Variants in CHD8 observed in about 807,000 individuals in gnomAD.
The protein encoded by CHD8 is chromodomain helicase DNA binding protein 8.
A neutral mutation model predicts 279.2 loss-of-function variants in CHD8; 31 were observed. That is an observed-to-expected ratio of 0.11 (90% CI 0.08 to 0.15). CHD8 has a LOEUF of 0.15. Among genes scored for constraint, CHD8 ranks in the 10% least tolerant of loss-of-function variants. The pLI, the probability that CHD8 is intolerant of heterozygous loss-of-function variation, is 1.00. For synonymous variants in CHD8, 1,081 were observed against 1,139.6 expected, an observed-to-expected ratio of 0.95 and a Z score of 1.04; for missense variants, 2,146 against 3,230.5, an observed-to-expected ratio of 0.66 and a Z score of 8.14.
At chr14:21,424,494 GGA>G (rs771344078) in intron 5 of CHD8, among the ~76,000 whole-genome samples, 1 of 151,394 alleles carries the variant, frequency 6.6e-6, no homozygotes, top group East Asian at 1.9e-4. Context: ...TTTTTGAGGT[GGA>G]GTTTCACTCT....
chr14:21,455,399 A>G (rs1890362843), intron 1 of CHD8, among the ~76,000 whole-genome samples: 1 of 152,134 alleles, frequency 6.6e-6, no homozygotes, highest in Non-Finnish European at 1.5e-5. Flanking sequence ...GAGTTTACAT[A>G]ATGCAACGGA....
intron 5 of CHD8, among the ~76,000 whole-genome samples, chr14:21,420,786 G>C (rs916906348): frequency 6.6e-6 from 1 of 151,180 alleles, no homozygotes; most frequent in African/African-American, 2.4e-5. Context: ...TTTTGAAACG[G>C]AGTTTCGCTC....
Position 21,391,584 on chromosome 14 carries a change from A to G in CHD8, c.6944T>C (p.Ile2315Thr), listed in dbSNP as rs1475575054. ...ACCATCCACCTTATTGATGACAGGGATCCGGGTCTCCAGGTCCACATCAAG... is the reference window on the plus strand; with the variant it reads ...ACCATCCACCTTATTGATGACAGGGGTCCGGGTCTCCAGGTCCACATCAAG... ...NHLDVDLETR[I>T]PVINKVDGTL... is the part of the protein sequence containing the mutation. The change falls in exon 36 of 38, where the codon ATC becomes ACC. Residue 2315 changes from isoleucine (I) to threonine (T), a missense_variant. By Grantham distance (89) the Ile-to-Thr change is moderately conservative (BLOSUM62 -1). Coordinates refer to ENST00000646647, the MANE Select transcript of CHD8 (RefSeq NM_001170629.2). The G allele has an allele frequency of 6.2e-7, 1 of 1,612,746 alleles. No individual in the cohort carries two copies. The highest frequency in any genetic ancestry group is 8.5e-7 in the Non-Finnish European group (1 of 1,179,480).
Position 21,402,195 on chromosome 14 carries a change from A to G in CHD8, c.3883-59T>C, listed in dbSNP as rs746437587. ...CAAGAGAATAATATCTAACCATGCC[A>G]TAATATTTTAGCTATTATATTTTAA... On this transcript the variant is annotated intron_variant, in intron 19 of 37. Coordinates refer to ENST00000646647, the MANE Select transcript of CHD8 (RefSeq NM_001170629.2). The surrounding 1 kb of genome is among the most constrained non-coding windows in gnomAD (Gnocchi z 4.5). 3 of 1,462,516 alleles carry G rather than the reference A, an allele frequency of 2.1e-6. No individual in the cohort carries two copies. The highest frequency in any genetic ancestry group is 2.8e-6 in the Non-Finnish European group (3 of 1,073,506). The allele number at this position is 1,462,516 out of a possible 1,614,324, so 90.6% of individuals were successfully genotyped here.
At chr14:21,391,402 T>G in intron 36 of CHD8, 61 bp downstream of exon 36, 1 of 1,490,310 alleles carries the variant, frequency 6.7e-7, no homozygotes, top group Non-Finnish European at 9.2e-7. Flanking sequence ...TTTCTCTTTC[T>G]CATGCAGCTT....
At chr14:21,411,276 C>T (rs1167249142) in intron 10 of CHD8, among the ~76,000 whole-genome samples, 1 of 152,156 alleles carries the variant, frequency 6.6e-6, no homozygotes, top group Non-Finnish European at 1.5e-5. Context: ...CAAACAAACA[C>T]ACAATACTAC....
chr14:21,411,880 A>G (rs945831575), intron 10 of CHD8, among the ~76,000 whole-genome samples: 1 of 152,072 alleles, frequency 6.6e-6, no homozygotes, highest in African/African-American at 2.4e-5. Flanking sequence ...CCTGGCTAAC[A>G]TGGTGAAACC....
chr14:21,404,902 GC>G, intron 16 of CHD8: 1 of 319,666 alleles, frequency 3.1e-6, no homozygotes, highest in Non-Finnish European at 5.8e-6. Flanking sequence ...TGTGATCTCG[GC>G]TCACTGCAAC....
At chr14:21,429,628 CCCT>C in intron 2 of CHD8, 1 of 471,682 alleles carries the variant, frequency 2.1e-6, no homozygotes, top group Non-Finnish European at 4.1e-6. Context: ...GCCAATTCAT[CCCT>C]CCTTAGGCAA....
chr14:21,414,505 G>C (rs1167012616), intron 8 of CHD8, 87 bp from the exon 9 acceptor site: 4 of 708,550 alleles, frequency 5.6e-6, no homozygotes, highest in Non-Finnish European at 9.9e-6. Context: ...GTCAGAAGCA[G>C]ACATAACAAA....
intron 1 of CHD8, among the ~76,000 whole-genome samples, chr14:21,451,445 C>T (rs1442556222): frequency 6.6e-6 from 1 of 151,542 alleles, no homozygotes; most frequent in Non-Finnish European, 1.5e-5. Context: ...GTGGCACGCG[C>T]CTATAGTCCC....
chr14:21,433,614 T>C (rs1276154269), intron 1 of CHD8, among the ~76,000 whole-genome samples: 1 of 152,200 alleles, frequency 6.6e-6, no homozygotes, highest in Admixed American at 6.5e-5. Flanking sequence ...TGGGTTAATA[T>C]ATCAGATACT....
chr14:21,439,176 G>A (rs1889894608), intron 1 of CHD8, among the ~76,000 whole-genome samples: 1 of 152,114 alleles, frequency 6.6e-6, no homozygotes. Flanking sequence ...AGTTTCCTCT[G>A]AAAGTATCCT....
Position 21,427,851 on chromosome 14 carries a change from G to T in CHD8, c.1601+18C>A. The T allele has an allele frequency of 6.2e-7, 1 of 1,610,702 alleles. No homozygotes were observed. Among genetic ancestry groups the T allele is most frequent in the Non-Finnish European group, 8.5e-7 (1 of 1,178,294 alleles). On this transcript the variant is annotated intron_variant, in intron 4 of 37. Transcript: ENST00000646647. ...GCTTACTCTTGCACGTCCCATCACAGTAGCAAGGAGTACTCACTTGAGCTT... is the reference window on the plus strand; with the variant it reads ...GCTTACTCTTGCACGTCCCATCACATTAGCAAGGAGTACTCACTTGAGCTT...
rs1889552651 is a variant in CHD8, at chr14:21,431,290, T to C, written c.354A>G (p.Gly118=). ...CCTGGCTCTTGGAGACTTGCAAAAG[T>C]CCTGATGTTGGCGTCGATGTCTGTA... The part of the protein sequence containing the change: ...PVLQTSTPTS[G]LLQVSKSQEI... Residue 118 remains glycine, a synonymous_variant, in exon 2 of 38, where the codon GGA becomes GGG. Transcript: ENST00000646647. 1.1e-5 allele frequency: 17 copies of C among 1,575,422 alleles called. No homozygotes were observed. The highest frequency in any genetic ancestry group is 1.5e-5 in the Non-Finnish European group (17 of 1,167,902).
chr14:21,387,846 A>G (rs1887338267), intron 37 of CHD8, among the ~76,000 whole-genome samples: 1 of 150,336 alleles, frequency 6.7e-6, no homozygotes, highest in South Asian at 2.1e-4. Context: ...TGTACTAGTC[A>G]TATTAGGATT....
In CHD8 at chr14:21,392,550, C is replaced by T. The variant is rs751516489; in HGVS notation, c.6728G>A (p.Arg2243His). 1.9e-6 allele frequency: 3 copies of T among 1,613,240 alleles called. No individual in the cohort carries two copies. The highest frequency in any genetic ancestry group is 2.2e-5 in the East Asian group (1 of 44,896). ...STAAAQFTKL[R>H]RGMDEKEFTV... ...AAACTCCTTTTCATCCATGCCTCGG[C>T]GAAGTTTGGTGAACTGGGCTGCCGC... Residue 2243 changes from arginine to histidine, a missense_variant, in exon 34 of 38, where the codon CGC (arginine) becomes CAC (histidine). Physicochemically the swap from Arg to His is conservative, Grantham distance 29. Around this residue, in one of 26 missense-constraint regions of CHD8, gnomAD observed 513 missense variants for 637.6 expected, o/e 0.80. Transcript: ENST00000646647.
chr14:21,428,163 G>C lies in CHD8; in HGVS notation c.1307C>G (p.Ser436Cys). The change falls in exon 4 of 38, where the codon TCT becomes TGT. Residue 436 changes from serine to cysteine, a missense_variant. By Grantham distance (112) the Ser-to-Cys change is moderately radical. Coordinates refer to ENST00000646647, the MANE Select transcript of CHD8 (RefSeq NM_001170629.2). ...TGTCTTTCCCCCCGAATGAGGAGCA[G>C]AGCTTGCTGGTGATGACAAAGCTGC... is the stretch of plus-strand genomic sequence containing the variant. ...EVAALSSPAS[S>C]APHSGGKTGM... The C allele has an allele frequency of 6.2e-7, 1 of 1,614,014 alleles. No homozygotes were observed. The highest frequency in any genetic ancestry group is 1.3e-5 in the African/African-American group (1 of 75,042).
intron 2 of CHD8, chr14:21,429,672 C>A: frequency 2.5e-6 from 1 of 393,388 alleles, no homozygotes; most frequent in Non-Finnish European, 4.9e-6. Context: ...GGGAGGTCAC[C>A]ATATTGATGT....
Sources: allele counts gnomAD v4.1 joint callset (sites outside exome capture counted in the v4.1 genomes callset), GRCh38; gene constraint gnomAD v4.1.1; regional missense constraint gnomAD v4.1.1; non-coding constraint Gnocchi (gnomAD v3.1); transcripts MANE v1.5; gene names NCBI Gene and HGNC (gene_info 2026-07-23, HGNC 2026-07-21).